Variants in STXBP5L observed in about 807,000 individuals in gnomAD.
STXBP5L encodes syntaxin binding protein 5L, also known as syntaxin-binding protein 5-like.
STXBP5L carries 65 observed loss-of-function variants against 144.5 expected under a neutral mutation model. That is an observed-to-expected ratio of 0.45 (90% CI 0.37 to 0.55). The LOEUF (loss-of-function observed/expected upper bound fraction) is 0.55, where lower values mean the gene tolerates loss of function less well. Ranked by LOEUF, STXBP5L falls within the 20% of genes least tolerant of loss-of-function variation. STXBP5L has a pLI of 0.00. For missense variants in STXBP5L, 1,298 were observed against 1,405.5 expected (o/e 0.92, Z 1.22); for synonymous variants, 505 against 469.6 (o/e 1.08, Z -0.97).
rs1938197653 is a variant in STXBP5L at position 120,957,670 on chromosome 3, A to G, written c.287+2633A>G. Among the ~76,000 whole-genome samples, 7 of 152,118 alleles carry G rather than the reference A, an allele frequency of 4.6e-5. 1 individual carries two copies. The South Asian group carries it at 1.2e-3, about 27-fold the overall frequency. ...CTTCTGAATTACTACTGAGTACATA[A>G]CGAAATGAAGGTAGCAATAAAGATG... is the stretch of plus-strand genomic sequence containing the variant. On this transcript the variant is annotated intron_variant, in intron 3 of 26. Transcript: ENST00000471454.
At chr3:121,017,269 T>G (rs1257765780) in intron 3 of STXBP5L, among the ~76,000 whole-genome samples, 1 of 152,046 alleles carries the variant, frequency 6.6e-6, no homozygotes, top group African/African-American at 2.4e-5. Context: ...CTCAACAAAC[T>G]AGGAATGGAA....
chr3:120,969,627 T>C (rs1045890841), intron 3 of STXBP5L, among the ~76,000 whole-genome samples: 1 of 151,988 alleles, frequency 6.6e-6, no homozygotes. Flanking sequence ...TAAGTCAATG[T>C]CTTGAGGAGT....
chr3:121,346,616 G>A (rs1167169484), intron 20 of STXBP5L, among the ~76,000 whole-genome samples: 6 of 152,210 alleles, frequency 3.9e-5, no homozygotes, highest in African/African-American at 7.2e-5. Flanking sequence ...AGCATCTGTT[G>A]TTTCCTGACT....
chr3:121,183,369 G>C (rs2047235185), intron 9 of STXBP5L, among the ~76,000 whole-genome samples: 1 of 152,152 alleles, frequency 6.6e-6, no homozygotes, highest in South Asian at 2.1e-4. Context: ...GGACACCAAT[G>C]ATATGATTGT....
intron 19 of STXBP5L, among the ~76,000 whole-genome samples, chr3:121,288,828 A>C (rs1345937299): frequency 6.6e-6 from 1 of 152,132 alleles, no homozygotes; most frequent in Non-Finnish European, 1.5e-5. Flanking sequence ...AGCTGTGCTC[A>C]AGCTATTTAG....
intron 9 of STXBP5L, among the ~76,000 whole-genome samples, chr3:121,162,691 T>A (rs796814617): frequency 6.6e-6 from 1 of 151,934 alleles, no homozygotes; most frequent in Non-Finnish European, 1.5e-5. Context: ...GGCTAATATC[T>A]AGAATCTACA....
chr3:121,033,655 C>T (rs1204643400), intron 3 of STXBP5L, among the ~76,000 whole-genome samples: 1 of 151,066 alleles, frequency 6.6e-6, no homozygotes, highest in Non-Finnish European at 1.5e-5. Flanking sequence ...TGGTGTTAAA[C>T]CAATACATTA....
rs202200594 is a variant in STXBP5L at position 120,936,619 on chromosome 3, T to TA, written c.190-18321_190-18320insA. Reference sequence around the variant, plus strand: ...TTAAATAAAGTCTGATACATGCAGGTTTTTTTTTTTGACAGAGTCTCGCTC... The same window carrying TA: ...TTAAATAAAGTCTGATACATGCAGGTATTTTTTTTTTGACAGAGTCTCGCTC... On this transcript the variant is annotated intron_variant, in intron 2 of 26. Transcript: ENST00000471454. 6.2e-3 allele frequency among the ~76,000 whole-genome samples: 907 copies of TA among 146,900 alleles called. 9 individuals carry two copies. The highest frequency in any genetic ancestry group is 0.021 in the African/African-American group (836 of 40,390).
chr3:121,333,169 C>A (rs1180984645), intron 20 of STXBP5L, among the ~76,000 whole-genome samples: 1 of 151,954 alleles, frequency 6.6e-6, no homozygotes, highest in Non-Finnish European at 1.5e-5. Context: ...AAAATAATAG[C>A]ACATGGAGAA....
intron 3 of STXBP5L, among the ~76,000 whole-genome samples, chr3:120,975,396 A>T (rs1167738954): frequency 6.6e-6 from 1 of 152,168 alleles, no homozygotes; most frequent in Non-Finnish European, 1.5e-5. Flanking sequence ...TTGATTTTGT[A>T]TCCTGAGACT....
At chr3:121,392,180 G>C (rs1050558631) in intron 22 of STXBP5L, among the ~76,000 whole-genome samples, 2 of 152,132 alleles carry the variant, frequency 1.3e-5, no homozygotes, top group African/African-American at 4.8e-5. Context: ...CAGTAAGCAA[G>C]GCTCCATGGG....
At chr3:121,201,448 G>A (rs1349920329) in intron 9 of STXBP5L, among the ~76,000 whole-genome samples, 1 of 152,016 alleles carries the variant, frequency 6.6e-6, no homozygotes, top group Non-Finnish European at 1.5e-5. Context: ...GCACATCGAT[G>A]GGTCTTGATT....
intron 9 of STXBP5L, among the ~76,000 whole-genome samples, chr3:121,171,121 G>A (rs1174381550): frequency 6.6e-6 from 1 of 152,038 alleles, no homozygotes; most frequent in Non-Finnish European, 1.5e-5. Context: ...TGCAGAAAAG[G>A]CCTTCGATGC....
At chr3:120,983,669 A>G (rs1942018672) in intron 3 of STXBP5L, among the ~76,000 whole-genome samples, 1 of 152,116 alleles carries the variant, frequency 6.6e-6, no homozygotes, top group Admixed American at 6.5e-5. Flanking sequence ...GATAGAATTG[A>G]AAAAATCTAT....
chr3:121,101,756 T>G (rs942805440), intron 5 of STXBP5L, among the ~76,000 whole-genome samples: 1 of 151,844 alleles, frequency 6.6e-6, no homozygotes, highest in Non-Finnish European at 1.5e-5. Flanking sequence ...AAGAAAGAAA[T>G]AAAAGGCATC....
intron 22 of STXBP5L, among the ~76,000 whole-genome samples, chr3:121,404,240 T>C (rs1195508177): frequency 6.6e-6 from 1 of 152,102 alleles, no homozygotes; most frequent in Non-Finnish European, 1.5e-5. Context: ...TTGACCCCCA[T>C]ATTTCTTTCA....
chr3:121,337,822 C>T (rs1195481611), intron 20 of STXBP5L, among the ~76,000 whole-genome samples: 1 of 152,076 alleles, frequency 6.6e-6, no homozygotes, highest in Non-Finnish European at 1.5e-5. Context: ...AAACAAGTCT[C>T]AATAAATTTT....
intron 19 of STXBP5L, among the ~76,000 whole-genome samples, chr3:121,280,647 C>A (rs1212904974): frequency 6.6e-6 from 1 of 151,914 alleles, no homozygotes; most frequent in Admixed American, 6.6e-5. Flanking sequence ...AAATAGTTGG[C>A]TTTATAAACA....
chr3:121,367,565 T>C (rs2045896342), intron 20 of STXBP5L, among the ~76,000 whole-genome samples: 1 of 150,974 alleles, frequency 6.6e-6, no homozygotes, highest in South Asian at 2.1e-4. Context: ...TATTGCTGCT[T>C]TCAAGGTTCT....
Sources: gnomAD v4.1 joint callset for allele counts (sites outside exome capture counted in the v4.1 genomes callset) on GRCh38, gnomAD v4.1.1 for gene constraint, MANE v1.5 for transcripts, NCBI Gene and HGNC (gene_info 2026-07-23, HGNC 2026-07-21) for gene names.